The following KIF13B variants were observed in gnomAD, a reference collection of about 807,000 sequenced individuals.
KIF13B encodes kinesin family member 13B.
A neutral mutation model predicts 222.0 loss-of-function variants in KIF13B; 127 were observed. The ratio of observed to expected loss-of-function variants is 0.57; its 90% CI spans 0.50 to 0.66. The LOEUF (loss-of-function observed/expected upper bound fraction) is 0.66. KIF13B is among the 30% of genes least tolerant of loss of function. KIF13B has a pLI of 0.00. For missense variants in KIF13B, 2,173 were observed against 2,379.0 expected (o/e 0.91, Z 1.80); for synonymous variants, 976 against 919.0 (o/e 1.06, Z -1.12).
At chr8:29,179,251 G>A (rs1812610996) in intron 8 of KIF13B, among the ~76,000 whole-genome samples, 1 of 151,990 alleles carries the variant, frequency 6.6e-6, no homozygotes, top group Non-Finnish European at 1.5e-5. Flanking sequence ...CTAGTCACTA[G>A]GTCTATGGGC....
intron 31 of KIF13B, among the ~76,000 whole-genome samples, chr8:29,114,308 A>G (rs567396352): frequency 7.9e-5 from 12 of 152,250 alleles, no homozygotes; most frequent in Non-Finnish European, 1.5e-4. Context: ...ATTTGGTCTT[A>G]GACATACATC....
intron 12 of KIF13B, among the ~76,000 whole-genome samples, chr8:29,161,706 C>CA (rs1169367038): frequency 6.7e-6 from 1 of 150,096 alleles, no homozygotes; most frequent in Non-Finnish European, 1.5e-5. Flanking sequence ...AAAACCCCCC[C>CA]CCAAAAAAAA....
chr8:29,262,447 G>C (rs1475128249), intron 1 of KIF13B, among the ~76,000 whole-genome samples: 13 of 152,178 alleles, frequency 8.5e-5, no homozygotes, highest in Non-Finnish European at 1.6e-4. Flanking sequence ...AACTCGCCGC[G>C]GGGCACCCGC....
At chr8:29,215,920 G>A (rs1019437050) in intron 2 of KIF13B, among the ~76,000 whole-genome samples, 4 of 152,116 alleles carry the variant, frequency 2.6e-5, no homozygotes, top group Non-Finnish European at 5.9e-5. Context: ...TTGCCTATAG[G>A]AGGTATATCT....
At chr8:29,174,173 C>G (rs1309188566) in intron 10 of KIF13B, among the ~76,000 whole-genome samples, 1 of 152,226 alleles carries the variant, frequency 6.6e-6, no homozygotes, top group East Asian at 1.9e-4. Flanking sequence ...CTGTTATTAA[C>G]TATAGTCCTT....
chr8:29,085,705 CTTTTTTTT>C (rs71222589), intron 37 of KIF13B, among the ~76,000 whole-genome samples: 2 of 48,722 alleles, frequency 4.1e-5, no homozygotes, highest in African/African-American at 1.5e-4. Flanking sequence ...AAATACTCTT[CTTTTTTTT>C]TTTTTTTTTT....
intron 2 of KIF13B, among the ~76,000 whole-genome samples, chr8:29,223,023 T>C (rs2130538748): frequency 6.6e-6 from 1 of 152,076 alleles, no homozygotes; most frequent in South Asian, 2.1e-4. Flanking sequence ...TATATATACA[T>C]ATAAATCTAT....
intron 14 of KIF13B, among the ~76,000 whole-genome samples, chr8:29,155,405 G>C (rs1811475967): frequency 1.3e-5 from 2 of 152,200 alleles, no homozygotes; most frequent in African/African-American, 2.4e-5. Context: ...GAGATAAACT[G>C]GGGGGTTATA....
chr8:29,242,446 T>A (rs1304250931), intron 2 of KIF13B, among the ~76,000 whole-genome samples: 41 of 152,222 alleles, frequency 2.7e-4, no homozygotes. Flanking sequence ...GATTTAGTCA[T>A]TTAAAGGGAA....
At chr8:29,210,665 T>C (rs1475259445) in intron 2 of KIF13B, among the ~76,000 whole-genome samples, 1 of 152,210 alleles carries the variant, frequency 6.6e-6, no homozygotes, top group Non-Finnish European at 1.5e-5. Context: ...ATTTCCATGG[T>C]GATTCAAAAT....
intron 2 of KIF13B, among the ~76,000 whole-genome samples, chr8:29,239,735 T>G (rs1815678273): frequency 6.6e-6 from 1 of 152,252 alleles, no homozygotes; most frequent in African/African-American, 2.4e-5. Flanking sequence ...CGATCTTGGC[T>G]AACTGCAACC....
intron 37 of KIF13B, among the ~76,000 whole-genome samples, chr8:29,088,060 G>A (rs548814233): frequency 6.6e-5 from 10 of 152,248 alleles, no homozygotes; most frequent in Non-Finnish European, 1.3e-4. Context: ...GACATCAAGA[G>A]ATCGAGACCA....
Position 29,188,609 on chromosome 8 carries a change from TGA to T in KIF13B, c.224-4_224-3del, listed in dbSNP as rs760583856. The T allele has an allele frequency of 1.7e-4, 262 of 1,582,530 alleles. No individual in the cohort carries two copies. The highest frequency in any genetic ancestry group is 2.1e-4 in the Admixed American group (12 of 58,160). ...GGCACTTGAAAACAATATCTTGACC[TGA>T]GAGAGAGAGAATAAGAGAAAAGATA... is the stretch of plus-strand genomic sequence containing the variant. On this transcript the variant is annotated splice_region_variant and splice_polypyrimidine_tract_variant and intron_variant, in intron 4 of 39. Transcript: ENST00000524189.
intron 2 of KIF13B, among the ~76,000 whole-genome samples, chr8:29,206,300 T>C (rs1473181831): frequency 2.0e-5 from 3 of 152,154 alleles, no homozygotes; most frequent in African/African-American, 7.2e-5. Context: ...ATACTTGAAG[T>C]GCATGGCACA....
At chr8:29,256,402 A>G (rs1586995438) in intron 1 of KIF13B, among the ~76,000 whole-genome samples, 1 of 152,198 alleles carries the variant, frequency 6.6e-6, no homozygotes, top group Non-Finnish European at 1.5e-5. Context: ...CTTGGAGCCA[A>G]GGGGCCTGCT....
At chr8:29,252,281 C>T (rs1301910824) in intron 1 of KIF13B, among the ~76,000 whole-genome samples, 2 of 152,222 alleles carry the variant, frequency 1.3e-5, no homozygotes, top group Non-Finnish European at 2.9e-5. Context: ...TCGCTGTACA[C>T]ATCAGCTATG....
intron 26 of KIF13B, among the ~76,000 whole-genome samples, chr8:29,125,884 G>A (rs1810085716): frequency 6.6e-6 from 1 of 152,122 alleles, no homozygotes. Flanking sequence ...CTAGGCGGGT[G>A]GATCACAAGG....
chr8:29,121,365 T>C (rs1386309792), intron 29 of KIF13B, among the ~76,000 whole-genome samples: 1 of 52,980 alleles, frequency 1.9e-5, no homozygotes, highest in East Asian at 4.5e-4. Context: ...GAGATATAGA[T>C]CAATGGAACA....
intron 2 of KIF13B, among the ~76,000 whole-genome samples, chr8:29,216,043 G>GA (rs1362394118): frequency 3.3e-5 from 5 of 152,088 alleles, no homozygotes; most frequent in African/African-American, 7.2e-5. Flanking sequence ...AGATTTGCCT[G>GA]AAAAAACTGT....
Sources: allele counts gnomAD v4.1 joint callset (sites outside exome capture counted in the v4.1 genomes callset), GRCh38; gene constraint gnomAD v4.1.1; transcripts MANE v1.5; gene names NCBI Gene and HGNC (gene_info 2026-07-23, HGNC 2026-07-21).